Variants in GAP43 observed in about 807,000 individuals in gnomAD.
GAP43 encodes growth associated protein 43.
GAP43 carries 6 observed loss-of-function variants against 18.6 expected under a neutral mutation model. The ratio of observed to expected loss-of-function variants is 0.32; its 90% CI spans 0.18 to 0.64. The LOEUF (loss-of-function observed/expected upper bound fraction) is 0.64. GAP43 is among the 30% of genes least tolerant of loss of function. The pLI is 0.78. For missense variants in GAP43, 292 were observed against 295.5 expected, an observed-to-expected ratio of 0.99 and a Z score of 0.09; for synonymous variants, 115 against 111.4, an observed-to-expected ratio of 1.03 and a Z score of -0.20.
chr3:115,668,568 G>T (rs1252924061), intron 1 of GAP43, among the ~76,000 whole-genome samples: 2 of 152,110 alleles, frequency 1.3e-5, no homozygotes, highest in Non-Finnish European at 2.9e-5. Flanking sequence ...GGGATTACAG[G>T]CATGTGCCAC....
intron 1 of GAP43, among the ~76,000 whole-genome samples, chr3:115,645,631 T>C (rs1284371253): frequency 1.3e-5 from 2 of 151,824 alleles, no homozygotes; most frequent in African/African-American, 4.8e-5. Context: ...CCAAAAATGA[T>C]CTAAAAGTCC....
intron 1 of GAP43, among the ~76,000 whole-genome samples, chr3:115,640,640 C>T (rs886261559): frequency 6.6e-6 from 1 of 152,044 alleles, no homozygotes; most frequent in African/African-American, 2.4e-5. Context: ...AGTAATTATA[C>T]GACATTCCAA....
At chr3:115,662,040 T>C (rs1708668027) in intron 1 of GAP43, among the ~76,000 whole-genome samples, 1 of 151,956 alleles carries the variant, frequency 6.6e-6, no homozygotes, top group African/African-American at 2.4e-5. Flanking sequence ...GAAACCACAA[T>C]TCGATTTTAG....
rs149202119 is a variant in GAP43, at chr3:115,639,098, T to C, written c.30+15379T>C. ...CCAGTGTCCAGTGAGTAGTATGAGATGGCAAAATTTGGTTAGGACTAAGGC... is the reference window on the plus strand; with the variant it reads ...CCAGTGTCCAGTGAGTAGTATGAGACGGCAAAATTTGGTTAGGACTAAGGC... On this transcript the variant is annotated intron_variant, in intron 1 of 2. Transcript: ENST00000305124. Among the ~76,000 whole-genome samples the C allele has an allele frequency of 4.5e-4, 68 of 152,204 alleles. No individual in the cohort carries two copies. In the East Asian group the frequency reaches 0.01, roughly 23 times the overall value.
intron 2 of GAP43, among the ~76,000 whole-genome samples, chr3:115,715,851 T>A (rs1412699483): frequency 2.0e-5 from 3 of 152,204 alleles, no homozygotes; most frequent in Non-Finnish European, 4.4e-5. Flanking sequence ...CCATTCTTTT[T>A]GGGCAAAGGT....
At chr3:115,652,356 C>CTTTTTTTTTTTTTTTTTTTTTTTTTTTTT (rs71141831) in intron 1 of GAP43, among the ~76,000 whole-genome samples, 2 of 43,768 alleles carry the variant, frequency 4.6e-5, no homozygotes, top group African/African-American at 8.7e-5. Context: ...ATCCAGCATT[C>CTTTTTTTTTTTTTTTTTTTTTTTTTTTTT]TTTTTTTTTT....
At chr3:115,657,438 A>C (rs575013602) in intron 1 of GAP43, among the ~76,000 whole-genome samples, 1 of 152,166 alleles carries the variant, frequency 6.6e-6, no homozygotes, top group South Asian at 2.1e-4. Context: ...GGAGAAGACT[A>C]TCTTTCACTT....
intron 2 of GAP43, among the ~76,000 whole-genome samples, chr3:115,683,147 GCACACACACACACACACACACACACACA>G (rs869219452): frequency 7.8e-6 from 1 of 127,396 alleles, no homozygotes; most frequent in East Asian, 2.4e-4. Context: ...GCGCGCGCGC[GCACACACACACACACACACACACACACA>G]CACACACACA....
chr3:115,677,604 G>A (rs548080782), intron 2 of GAP43, among the ~76,000 whole-genome samples: 1 of 152,224 alleles, frequency 6.6e-6, no homozygotes, highest in Admixed American at 6.5e-5. Context: ...TAATATGACC[G>A]ATAAATACTT....
Position 115,705,442 on chromosome 3 carries a change from T to C in GAP43, c.629-15352T>C, listed in dbSNP as rs112542287. Among the ~76,000 whole-genome samples, 572 of 152,320 alleles carry C rather than the reference T, an allele frequency of 3.8e-3. 1 individual carries two copies. Among genetic ancestry groups the C allele is most frequent in the Non-Finnish European group, 5.9e-3 (401 of 68,010 alleles). On this transcript the variant is annotated intron_variant, in intron 2 of 2. Coordinates refer to ENST00000305124, the MANE Select transcript of GAP43 (RefSeq NM_002045.4). ...TATAATAAGGAATATTAACTCATCATATATTAAAACATTTAAAATCATTTA... is the reference window on the plus strand; with the variant it reads ...TATAATAAGGAATATTAACTCATCACATATTAAAACATTTAAAATCATTTA...
intron 1 of GAP43, among the ~76,000 whole-genome samples, chr3:115,652,172 C>G (rs1708526098): frequency 6.6e-6 from 1 of 152,026 alleles, no homozygotes. Context: ...ATCCATCTTT[C>G]CCTTTGAATT....
chr3:115,634,073 A>G (rs1019232995), intron 1 of GAP43, among the ~76,000 whole-genome samples: 1 of 152,214 alleles, frequency 6.6e-6, no homozygotes, highest in Admixed American at 6.5e-5. Flanking sequence ...TTCCAGTTCC[A>G]ATAACTATTC....
intron 2 of GAP43, among the ~76,000 whole-genome samples, chr3:115,711,671 G>T (rs762580077): frequency 1.3e-5 from 2 of 151,978 alleles, no homozygotes; most frequent in Non-Finnish European, 2.9e-5. Context: ...TTTATCTTTA[G>T]GCTGACTCTG....
intron 1 of GAP43, chr3:115,663,984 G>A: frequency 2.1e-6 from 3 of 1,458,102 alleles, no homozygotes. Flanking sequence ...CCACTTACTA[G>A]CTGTATGACT....
chr3:115,711,310 C>T (rs1319508348), intron 2 of GAP43, among the ~76,000 whole-genome samples: 2 of 152,020 alleles, frequency 1.3e-5, no homozygotes, highest in African/African-American at 4.8e-5. Context: ...AAAAAGAATT[C>T]AGGAAATTAT....
At chr3:115,697,768 T>A (rs1207943097) in intron 2 of GAP43, among the ~76,000 whole-genome samples, 1 of 151,954 alleles carries the variant, frequency 6.6e-6, no homozygotes, top group African/African-American at 2.4e-5. Context: ...CAAATCAAAG[T>A]CATAGAAACT....
At chr3:115,653,084 T>C (rs894486615) in intron 1 of GAP43, among the ~76,000 whole-genome samples, 1 of 152,334 alleles carries the variant, frequency 6.6e-6, no homozygotes, top group African/African-American at 2.4e-5. Context: ...ACTGGGTTTC[T>C]CTACCTCATC....
At chr3:115,700,256 C>T (rs1427188663) in intron 2 of GAP43, among the ~76,000 whole-genome samples, 1 of 152,110 alleles carries the variant, frequency 6.6e-6, no homozygotes, top group African/African-American at 2.4e-5. Flanking sequence ...TGCACATTGT[C>T]CAAACCATAA....
intron 1 of GAP43, among the ~76,000 whole-genome samples, chr3:115,647,801 T>C (rs1708475579): frequency 6.7e-6 from 1 of 150,314 alleles, no homozygotes; most frequent in Non-Finnish European, 1.5e-5. Flanking sequence ...TTTGTGCCAT[T>C]AGCAGCTTTT....
Sources: allele counts gnomAD v4.1 joint callset (sites outside exome capture counted in the v4.1 genomes callset), GRCh38; gene constraint gnomAD v4.1.1; transcripts MANE v1.5; gene names NCBI Gene and HGNC (gene_info 2026-07-23, HGNC 2026-07-21).